The following PTAR1 variants were observed in gnomAD, a reference collection of about 807,000 sequenced individuals.
The protein encoded by PTAR1 is protein prenyltransferase alpha subunit repeat-containing protein 1.
In PTAR1, 17 loss-of-function variants were observed where a neutral mutation model predicts 45.5. The ratio of observed to expected loss-of-function variants is 0.37; its 90% CI spans 0.26 to 0.56. PTAR1 has a LOEUF of 0.56. Among genes scored for constraint, PTAR1 ranks in the 20% least tolerant of loss-of-function variants. The pLI is 0.77. For synonymous variants in PTAR1, 169 were observed against 171.3 expected, an observed-to-expected ratio of 0.99 and a Z score of 0.11; for missense variants, 391 against 476.3, an observed-to-expected ratio of 0.82 and a Z score of 1.67.
In PTAR1 at chr9:69,741,871, G is replaced by T; in HGVS notation, c.257-13C>A. ...ACATCTATCAATTCTAAAATAAAGA[G>T]AAGTCATATTAAAAACAAATAGTCC... On this transcript the variant is annotated splice_polypyrimidine_tract_variant and intron_variant, in intron 2 of 7. Transcript: ENST00000340434. 6.4e-7 allele frequency: 1 copy of T among 1,551,236 alleles called. No individual in the cohort carries two copies. The highest frequency in any genetic ancestry group is 8.8e-7 in the Non-Finnish European group (1 of 1,135,772).
chr9:69,738,515 G>A (rs1485748582), intron 3 of PTAR1, among the ~76,000 whole-genome samples: 1 of 152,120 alleles, frequency 6.6e-6, no homozygotes, highest in Non-Finnish European at 1.5e-5. Context: ...ATGGATAGGG[G>A]TATAATCCAA....
At chr9:69,753,741 G>C (rs1181925333) in intron 1 of PTAR1, among the ~76,000 whole-genome samples, 1 of 152,196 alleles carries the variant, frequency 6.6e-6, no homozygotes. Flanking sequence ...AACACATGAA[G>C]AGGTAGTAGG....
rs1047976673 is a variant in PTAR1 at position 69,712,250 on chromosome 9, T to C, written c.*6092A>G. 1.3e-5 allele frequency: 2 copies of C among 152,182 alleles called. No individual in the cohort carries two copies. Among genetic ancestry groups the C allele is most frequent in the African/African-American group, 4.8e-5 (2 of 41,456 alleles). The allele number at this position is 152,182 out of a possible 1,614,324, so 9.4% of individuals were successfully genotyped here. On this transcript the variant is annotated 3_prime_UTR_variant, in exon 8 of 8. Coordinates refer to ENST00000340434, the MANE Select transcript of PTAR1 (RefSeq NM_001099666.2). Reference sequence around the variant, plus strand: ...AGGTATGGAAGAAAAGCCAGAATGTTATTGTTTGTAAACCACTAAAGACTT... The same window carrying C: ...AGGTATGGAAGAAAAGCCAGAATGTCATTGTTTGTAAACCACTAAAGACTT...
chr9:69,723,469 G>C lies in PTAR1; in HGVS notation c.804C>G (p.Ala268=), dbSNP rs1825121525. Reference sequence around the variant, plus strand: ...CTTCTTCATCTTTTGGAGGAACTAGGGCTGGCTCACTTCTCAAAGGATTTT... The same window carrying C: ...CTTCTTCATCTTTTGGAGGAACTAGCGCTGGCTCACTTCTCAAAGGATTTT... The part of the protein sequence containing the change: ...MEQNPLRSEP[A]LVPPKDEEAA... The change falls in exon 6 of 8, where the codon GCC becomes GCG. Residue 268 remains alanine (A), a synonymous_variant. Transcript: ENST00000340434. 6.2e-7 allele frequency: 1 copy of C among 1,613,686 alleles called. No individual in the cohort carries two copies. Among genetic ancestry groups the C allele is most frequent in the Admixed American group, 1.7e-5 (1 of 59,988 alleles).
chr9:69,743,770 A>G (rs1369099817), intron 2 of PTAR1, among the ~76,000 whole-genome samples: 1 of 152,206 alleles, frequency 6.6e-6, no homozygotes, highest in African/African-American at 2.4e-5. Flanking sequence ...GTAGGCCCTT[A>G]GGACTGAGTG....
intron 3 of PTAR1, 63 bp downstream of exon 3, chr9:69,741,729 G>T: frequency 1.9e-6 from 2 of 1,055,446 alleles, no homozygotes; most frequent in East Asian, 5.1e-5. Context: ...AACAACTTAT[G>T]GGGCTTACAT....
In PTAR1 at chr9:69,714,391, CA is replaced by C. The variant is rs1315619750; in HGVS notation, c.*3950del. On this transcript the variant is annotated 3_prime_UTR_variant, in exon 8 of 8. Transcript: ENST00000340434. Reference sequence around the variant, plus strand: ...TAAATCTTTAGCATCTTCTATAACTCAGGGGAACTAAGGTAGGGATTATTAG... The same window carrying C: ...TAAATCTTTAGCATCTTCTATAACTCGGGGAACTAAGGTAGGGATTATTAG... 3 of 151,836 alleles carry C rather than the reference CA, an allele frequency of 2.0e-5. No individual in the cohort carries two copies. The highest frequency in any genetic ancestry group is 4.4e-5 in the Non-Finnish European group (3 of 67,934). 9.4% of individuals were successfully genotyped at this position (151,836 alleles called of 1,614,324 possible). A position where few individuals can be genotyped will look rare whatever the true frequency, so the allele number is the denominator to read the frequency against.
At chr9:69,755,521 C>A (rs1453390580) in intron 1 of PTAR1, among the ~76,000 whole-genome samples, 1 of 152,110 alleles carries the variant, frequency 6.6e-6, no homozygotes, top group African/African-American at 2.4e-5. Context: ...ATGGATGGTA[C>A]CCAAATACTC....
intron 2 of PTAR1, among the ~76,000 whole-genome samples, chr9:69,746,413 C>T (rs942310850): frequency 6.6e-6 from 1 of 152,218 alleles, no homozygotes; most frequent in African/African-American, 2.4e-5. Flanking sequence ...CTCTTTCACT[C>T]TACCACACTA....
chr9:69,747,702 A>G (rs1826336350), intron 2 of PTAR1, among the ~76,000 whole-genome samples: 1 of 152,192 alleles, frequency 6.6e-6, no homozygotes, highest in Non-Finnish European at 1.5e-5. Context: ...AGAAAGTTGT[A>G]TACTCAACCA....
rs117892109 is a variant in PTAR1 at position 69,720,301 on chromosome 9, G to A, written c.948-1617C>T. Among the ~76,000 whole-genome samples, 1,018 of 152,280 alleles carry A rather than the reference G, an allele frequency of 6.7e-3. 6 individuals are homozygous for A. Among genetic ancestry groups the A allele is most frequent in the Middle Eastern group, 0.02 (6 of 294 alleles). Reference sequence around the variant, plus strand: ...TACTGCTGATATGGAGAACGTTTTAGTGCTCTGGATAGAAAAGCAGATCAG... The same window carrying A: ...TACTGCTGATATGGAGAACGTTTTAATGCTCTGGATAGAAAAGCAGATCAG... On this transcript the variant is annotated intron_variant, in intron 6 of 7. Transcript: ENST00000340434.
rs1471394328 is a variant in PTAR1 at position 69,716,482 on chromosome 9, C to T, written c.*1860G>A. 2 of 152,032 alleles carry T rather than the reference C, an allele frequency of 1.3e-5. No homozygotes were observed. The highest frequency in any genetic ancestry group is 6.6e-5 in the Admixed American group (1 of 15,252). 9.4% of individuals were successfully genotyped at this position (152,032 alleles called of 1,614,324 possible). A position where few individuals can be genotyped will look rare whatever the true frequency, so the allele number is the denominator to read the frequency against. Reference sequence around the variant, plus strand: ...GGGCCAGGCTAGACAACTTTTCTGGCGTTCTTAAGTCTCAACTCACTTCAA... The same window carrying T: ...GGGCCAGGCTAGACAACTTTTCTGGTGTTCTTAAGTCTCAACTCACTTCAA... On this transcript the variant is annotated 3_prime_UTR_variant, in exon 8 of 8. Transcript: ENST00000340434.
intron 5 of PTAR1, among the ~76,000 whole-genome samples, chr9:69,731,076 C>T (rs757039793): frequency 2.0e-5 from 3 of 152,090 alleles, no homozygotes; most frequent in East Asian, 1.9e-4. Context: ...TTCCATTAGG[C>T]GGCCACCCCT....
intron 3 of PTAR1, among the ~76,000 whole-genome samples, chr9:69,740,288 G>A (rs1825983455): frequency 6.6e-6 from 1 of 151,292 alleles, no homozygotes; most frequent in East Asian, 2.0e-4. Flanking sequence ...CCTCTCTATT[G>A]GTGAGGATGA....
At position 69,715,787 on chromosome 9, in the gene PTAR1, A is replaced by G. The variant is rs1824705934; in HGVS notation, c.*2555T>C. 1 of 152,124 alleles carries G rather than the reference A, an allele frequency of 6.6e-6. No homozygotes were observed. The highest frequency in any genetic ancestry group is 2.1e-4 in the South Asian group (1 of 4,832). 9.4% of individuals were successfully genotyped at this position (152,124 alleles called of 1,614,324 possible). ...GGAAAAAAACCAACCATATAGGGCA[A>G]TATTAGGATTTTCTGTGAATGAACA... is the stretch of plus-strand genomic sequence containing the variant. On this transcript the variant is annotated 3_prime_UTR_variant, in exon 8 of 8. Transcript: ENST00000340434.
In PTAR1 at chr9:69,746,631, T is replaced by C. The variant is rs115068503; in HGVS notation, c.256+4150A>G. Among the ~76,000 whole-genome samples, 793 of 152,258 alleles carry C rather than the reference T, an allele frequency of 5.2e-3. 8 individuals are homozygous for C. Among genetic ancestry groups the C allele is most frequent in the African/African-American group, 0.016 (663 of 41,542 alleles). Reference sequence around the variant, plus strand: ...GTCTCTCTCCAAACAACAGAACATATACCAGCAAATAAATGTTCCTTTGTT... The same window carrying C: ...GTCTCTCTCCAAACAACAGAACATACACCAGCAAATAAATGTTCCTTTGTT... On this transcript the variant is annotated intron_variant, in intron 2 of 7. Transcript: ENST00000340434.
In PTAR1 at chr9:69,718,509, C is replaced by A; in HGVS notation, c.1042G>T (p.Gly348Cys). The change falls in exon 8 of 8, where the codon GGC becomes TGC. Residue 348 changes from glycine to cysteine, a missense_variant. Gly to Cys is a radical substitution (Grantham distance 159, BLOSUM62 -3). Around this residue, in one of 5 missense-constraint regions of PTAR1, gnomAD observed 181 missense variants for 227.7 expected, o/e 0.80. Transcript: ENST00000340434. ...VDGLNDSSKQ[G>C]YSQETKRLKR... is the part of the protein sequence containing the mutation. The stretch of plus-strand genomic sequence containing the variant: ...AGGCGTTTGGTTTCCTGGGAATAGC[C>A]TTGCTTGCTAGAGTCATTCAGTCCA... 2 of 1,613,740 alleles carry A rather than the reference C, an allele frequency of 1.2e-6. No individual in the cohort carries two copies. The highest frequency in any genetic ancestry group is 1.7e-6 in the Non-Finnish European group (2 of 1,179,728).
intron 2 of PTAR1, among the ~76,000 whole-genome samples, chr9:69,744,172 C>G (rs553065865): frequency 6.6e-6 from 1 of 152,308 alleles, no homozygotes; most frequent in African/African-American, 2.4e-5. Context: ...CCTTCCATTA[C>G]TTTCCTTTAC....
chr9:69,743,260 T>C (rs1761299664), intron 2 of PTAR1, among the ~76,000 whole-genome samples: 1 of 152,146 alleles, frequency 6.6e-6, no homozygotes, highest in Non-Finnish European at 1.5e-5. Context: ...AATTAGCATG[T>C]GGCAAAGTCA....
Sources: allele counts gnomAD v4.1 joint callset (sites outside exome capture counted in the v4.1 genomes callset), GRCh38; gene constraint gnomAD v4.1.1; regional missense constraint gnomAD v4.1.1; transcripts MANE v1.5; gene names NCBI Gene and HGNC (gene_info 2026-07-23, HGNC 2026-07-21).